Variants in GABRB2 observed in about 807,000 individuals in gnomAD.
GABRB2 encodes the protein gamma-aminobutyric acid type A receptor subunit beta2.
In GABRB2, 16 loss-of-function variants were observed where a neutral mutation model predicts 54.7. The ratio of observed to expected loss-of-function variants is 0.29; its 90% CI spans 0.20 to 0.44. The LOEUF (loss-of-function observed/expected upper bound fraction) is 0.44. GABRB2 is among the 20% of genes least tolerant of loss of function. The pLI, the probability that GABRB2 is intolerant of heterozygous loss-of-function variation, is 1.00. For missense variants in GABRB2, 355 were observed against 644.0 expected, an observed-to-expected ratio of 0.55 and a Z score of 4.86; for synonymous variants, 244 against 233.8, an observed-to-expected ratio of 1.04 and a Z score of -0.40.
chr5:161,543,346 T>C (rs1760878405), intron 3 of GABRB2, among the ~76,000 whole-genome samples: 1 of 152,108 alleles, frequency 6.6e-6, no homozygotes, highest in Non-Finnish European at 1.5e-5. Flanking sequence ...GAAAGAAAAA[T>C]AAAAATTCTA....
At chr5:161,375,531 G>C (rs1244479270) in intron 5 of GABRB2, among the ~76,000 whole-genome samples, 1 of 152,022 alleles carries the variant, frequency 6.6e-6, no homozygotes, top group Non-Finnish European at 1.5e-5. Context: ...TTCTTCCTTT[G>C]CACAAATAAC....
At chr5:161,530,671 C>T (rs757175865) in intron 3 of GABRB2, among the ~76,000 whole-genome samples, 92 of 152,068 alleles carry the variant, frequency 6.0e-4, no homozygotes, top group Non-Finnish European at 1.1e-3. Context: ...AAATTCTTTG[C>T]TTTTTCTTGT....
intron 5 of GABRB2, among the ~76,000 whole-genome samples, chr5:161,340,938 A>G (rs953724500): frequency 6.6e-6 from 1 of 152,048 alleles, no homozygotes; most frequent in Non-Finnish European, 1.5e-5. Context: ...ATCTGACACA[A>G]TAAACACCAC....
At chr5:161,325,346 ATAATT>A (rs1380547975) in intron 9 of GABRB2, among the ~76,000 whole-genome samples, 1 of 152,158 alleles carries the variant, frequency 6.6e-6, no homozygotes, top group African/African-American at 2.4e-5. Context: ...CATCTCTTCC[ATAATT>A]TAATTATTAC....
intron 5 of GABRB2, among the ~76,000 whole-genome samples, chr5:161,378,436 A>G (rs1755371008): frequency 6.6e-6 from 1 of 152,146 alleles, no homozygotes; most frequent in African/African-American, 2.4e-5. Context: ...TATTCCCAGT[A>G]CACTTATTCT....
intron 9 of GABRB2, among the ~76,000 whole-genome samples, chr5:161,299,303 C>A (rs147111246): frequency 6.6e-6 from 1 of 152,180 alleles, no homozygotes; most frequent in African/African-American, 2.4e-5. Context: ...CAATCAGAGC[C>A]ATTCTGACAC....
intron 9 of GABRB2, among the ~76,000 whole-genome samples, chr5:161,298,248 A>G (rs153302): frequency 0.13 from 19,370 of 152,048 alleles, 1,320 homozygotes; most frequent in Non-Finnish European, 0.14. Context: ...TCTGATGATC[A>G]TTTCTTTTGC....
intron 3 of GABRB2, among the ~76,000 whole-genome samples, chr5:161,499,741 A>G (rs1041558514): frequency 2.0e-5 from 3 of 152,202 alleles, no homozygotes; most frequent in Non-Finnish European, 4.4e-5. Flanking sequence ...AAGCATGGAA[A>G]GGTCAAGCGT....
chr5:161,425,836 T>A (rs185321358), intron 4 of GABRB2, among the ~76,000 whole-genome samples: 9 of 152,208 alleles, frequency 5.9e-5, no homozygotes, highest in Non-Finnish European at 8.8e-5. Context: ...TCCTAGCAAA[T>A]TGTCTTTTGT....
intron 9 of GABRB2, among the ~76,000 whole-genome samples, chr5:161,313,433 T>C (rs908315450): frequency 6.6e-6 from 1 of 151,980 alleles, no homozygotes; most frequent in African/African-American, 2.4e-5. Context: ...AACATGCATC[T>C]GAAGAAAACA....
chr5:161,380,756 C>T (rs150422621), intron 5 of GABRB2, among the ~76,000 whole-genome samples: 1 of 151,900 alleles, frequency 6.6e-6, no homozygotes, highest in African/African-American at 2.4e-5. Context: ...GGTGAGCACA[C>T]ACTTACATGG....
chr5:161,368,525 T>C (rs865883494), intron 5 of GABRB2, among the ~76,000 whole-genome samples: 7 of 152,324 alleles, frequency 4.6e-5, no homozygotes, highest in Middle Eastern at 3.4e-3. Context: ...AGATTACAAT[T>C]TGGAAGATTT....
At chr5:161,294,840 A>G (rs983673701) in intron 9 of GABRB2, among the ~76,000 whole-genome samples, 1 of 152,222 alleles carries the variant, frequency 6.6e-6, no homozygotes, top group African/African-American at 2.4e-5. Context: ...AATTGTGCTC[A>G]TAATAGTAGC....
At chr5:161,443,922 C>T (rs888803196) in intron 4 of GABRB2, among the ~76,000 whole-genome samples, 2 of 152,152 alleles carry the variant, frequency 1.3e-5, no homozygotes, top group Non-Finnish European at 2.9e-5. Flanking sequence ...TATTCACACA[C>T]TAAATTAGCT....
At chr5:161,503,232 G>T (rs186390016) in intron 3 of GABRB2, among the ~76,000 whole-genome samples, 28 of 151,736 alleles carry the variant, frequency 1.8e-4, no homozygotes, top group Non-Finnish European at 1.5e-5. Context: ...TGTATAATAA[G>T]ATAACAGATG....
chr5:161,447,396 T>C lies in GABRB2; in HGVS notation c.458+12228A>G, dbSNP rs562619509. On this transcript the variant is annotated intron_variant, in intron 4 of 9. Transcript: ENST00000393959. The stretch of plus-strand genomic sequence containing the variant: ...ATCCTGGTCTTTTCAATAGTTTCTC[T>C]TAGTTGTCAGCCTGTTACAGCTGCT... Among the ~76,000 whole-genome samples, 205 of 152,308 alleles carry C rather than the reference T, an allele frequency of 1.3e-3. 1 individual carries two copies. Among genetic ancestry groups the C allele is most frequent in the Admixed American group, 2.4e-3 (37 of 15,274 alleles).
chr5:161,495,419 T>C (rs138076973), intron 3 of GABRB2, among the ~76,000 whole-genome samples: 92 of 152,142 alleles, frequency 6.0e-4, no homozygotes, highest in African/African-American at 2.0e-3. Context: ...AACAAGTGAA[T>C]GGTTTAATGC....
intron 3 of GABRB2, among the ~76,000 whole-genome samples, chr5:161,476,555 T>C (rs558371306): frequency 3.3e-5 from 5 of 151,984 alleles, no homozygotes; most frequent in African/African-American, 4.8e-5. Flanking sequence ...TACTAAGCTA[T>C]AGTAATCAAA....
intron 3 of GABRB2, among the ~76,000 whole-genome samples, chr5:161,469,700 C>T (rs904612866): frequency 6.6e-6 from 1 of 151,410 alleles, no homozygotes; most frequent in Non-Finnish European, 1.5e-5. Context: ...TACACATACA[C>T]ATACACATAC....
Sources: gnomAD v4.1 joint callset for allele counts (sites outside exome capture counted in the v4.1 genomes callset) on GRCh38, gnomAD v4.1.1 for gene constraint, MANE v1.5 for transcripts, NCBI Gene and HGNC (gene_info 2026-07-23, HGNC 2026-07-21) for gene names.